Variants in MTSS1 observed in about 807,000 individuals in gnomAD.
MTSS1 encodes protein MTSS 1.
MTSS1 carries 18 observed loss-of-function variants against 79.0 expected under a neutral mutation model. The observed-to-expected ratio is 0.23, with a 90% CI of 0.16 to 0.34. The LOEUF (loss-of-function observed/expected upper bound fraction) is 0.34. Among genes scored for constraint, MTSS1 ranks in the 10% least tolerant of loss-of-function variants. The pLI, the probability that MTSS1 is intolerant of heterozygous loss-of-function variation, is 1.00. For missense variants in MTSS1, 815 were observed against 986.2 expected, an observed-to-expected ratio of 0.83 and a Z score of 2.33; for synonymous variants, 341 against 368.6, an observed-to-expected ratio of 0.93 and a Z score of 0.86.
chr8:124,580,448 T>A (rs982216434), intron 6 of MTSS1: 2 of 1,287,244 alleles, frequency 1.6e-6, no homozygotes, highest in Non-Finnish European at 2.2e-6. Flanking sequence ...TTTGAGCTGG[T>A]AGAAAAACCT....
chr8:124,718,733 G>C (rs115600627), intron 1 of MTSS1, among the ~76,000 whole-genome samples: 2 of 152,080 alleles, frequency 1.3e-5, no homozygotes, highest in Non-Finnish European at 2.9e-5. Flanking sequence ...TCAATCACTC[G>C]GGGTGCAGAG....
Position 124,591,192 on chromosome 8 carries a change from C to T in MTSS1, c.252G>A (p.Met84Ile), listed in dbSNP as rs1831821018. 3.7e-6 allele frequency: 6 copies of T among 1,614,242 alleles called. No homozygotes were observed. The highest frequency in any genetic ancestry group is 5.1e-6 in the Non-Finnish European group (6 of 1,180,050). ...EIGSALTRMCMRHRSIEAKLR... is the reference protein window; with the variant it reads ...EIGSALTRMCIRHRSIEAKLR... ...GCTTGGCTTCAATGCTTCTGTGCCT[C>T]ATGCACATCCTGGTGAGAGCAGATC... is the stretch of plus-strand genomic sequence containing the variant. The change falls in exon 4 of 14, where the codon ATG (methionine) becomes ATA (isoleucine). Residue 84 changes from methionine (M) to isoleucine (I), a missense_variant. Coordinates refer to ENST00000518547, the MANE Select transcript of MTSS1 (RefSeq NM_014751.6).
chr8:124,668,714 G>C (rs1266821103), intron 3 of MTSS1, among the ~76,000 whole-genome samples: 2 of 152,128 alleles, frequency 1.3e-5, no homozygotes, highest in Non-Finnish European at 2.9e-5. Context: ...CAGTGTGTTT[G>C]GTCACCCATC....
At chr8:124,577,916 G>A (rs1167584052) in intron 6 of MTSS1, among the ~76,000 whole-genome samples, 1 of 152,190 alleles carries the variant, frequency 6.6e-6, no homozygotes, top group African/African-American at 2.4e-5. Flanking sequence ...AGGTCTCAGG[G>A]TCATTCTGAG....
Position 124,636,137 on chromosome 8 carries a change from CCTT to C in MTSS1, c.209-44905_209-44903del, listed in dbSNP as rs550943388. On this transcript the variant is annotated intron_variant, in intron 3 of 13. Coordinates refer to ENST00000518547, the MANE Select transcript of MTSS1 (RefSeq NM_014751.6). ...CTGGAACCTCAGCTACTAACTTTCT[CCTT>C]CTTCTTTGAGATGGAGTCTCCCTCT... Among the ~76,000 whole-genome samples, 25 of 152,196 alleles carry C rather than the reference CCTT, an allele frequency of 1.6e-4. 1 individual carries two copies. The South Asian group carries it at 2.3e-3, about 14-fold the overall frequency.
intron 3 of MTSS1, among the ~76,000 whole-genome samples, chr8:124,623,874 C>A (rs142007701): frequency 1.3e-5 from 2 of 152,352 alleles, no homozygotes; most frequent in African/African-American, 4.8e-5. Context: ...AAACTCCTGA[C>A]CTCCGGTGAT....
chr8:124,553,457 C>T lies in MTSS1; in HGVS notation c.1803G>A (p.Arg601=). 1 of 1,608,938 alleles carries T rather than the reference C, an allele frequency of 6.2e-7. No individual in the cohort carries two copies. Among genetic ancestry groups the T allele is most frequent in the African/African-American group, 1.3e-5 (1 of 74,908 alleles). ...RTPSTKPSVR[R]GTIGAGPIPI... is the part of the protein sequence containing the mutation. ...GGATGGGACCAGCTCCAATGGTTCC[C>T]CGGCGGACAGAAGGCTTGGTGGAAG... The change falls in exon 14 of 14, where the codon CGG becomes CGA. Residue 601 remains arginine, a synonymous_variant. Coordinates refer to ENST00000518547, the MANE Select transcript of MTSS1 (RefSeq NM_014751.6). This position sits in a 1 kb window ranked among gnomAD's most constrained non-coding sequence, Gnocchi z 6.0.
intron 5 of MTSS1, among the ~76,000 whole-genome samples, chr8:124,586,190 G>T (rs891820162): frequency 2.6e-5 from 4 of 152,148 alleles, no homozygotes; most frequent in African/African-American, 9.7e-5. Context: ...GCCAGCTGCT[G>T]TACATTTCAC....
At position 124,695,335 on chromosome 8, in the gene MTSS1, TA is replaced by T. The variant is rs33998723; in HGVS notation, c.208+4190del. 3.4e-3 allele frequency among the ~76,000 whole-genome samples: 485 copies of T among 144,572 alleles called. 3 individuals carry two copies. The highest frequency in any genetic ancestry group is 7.4e-3 in the Middle Eastern group (2 of 272). The allele number at this position is 144,572 out of a possible 152,430, so 94.8% of individuals were successfully genotyped here. ...CTCCTACCACTTCCATCAAGAGGGA[TA>T]AAAAAAAAAAAATACATGTAAAGGC... On this transcript the variant is annotated intron_variant, in intron 3 of 13. Coordinates refer to ENST00000518547, the MANE Select transcript of MTSS1 (RefSeq NM_014751.6).
rs1180255864 is a variant in MTSS1, at chr8:124,704,835, G to C, written c.73-644C>G. The stretch of plus-strand genomic sequence containing the variant: ...TAGTTCTAACCTCTGGGAGCCCTCA[G>C]TTAAGATCAATAATCCTGCTTCCAC... On this transcript the variant is annotated intron_variant, in intron 1 of 13. Coordinates refer to ENST00000518547, the MANE Select transcript of MTSS1 (RefSeq NM_014751.6). Among the ~76,000 whole-genome samples the C allele has an allele frequency of 3.3e-5, 5 of 152,122 alleles. No homozygotes were observed. In the East Asian group the frequency reaches 9.6e-4, roughly 29 times the overall value.
intron 1 of MTSS1, among the ~76,000 whole-genome samples, chr8:124,715,651 C>G (rs1481668695): frequency 2.6e-5 from 4 of 152,134 alleles, no homozygotes; most frequent in African/African-American, 9.7e-5. Flanking sequence ...CCACCAGTGT[C>G]ACAGTGATAA....
intron 3 of MTSS1, among the ~76,000 whole-genome samples, chr8:124,636,712 C>T (rs1398421917): frequency 1.3e-5 from 2 of 152,188 alleles, no homozygotes; most frequent in Non-Finnish European, 2.9e-5. Context: ...TCAAAGTCTT[C>T]CTTGACAATC....
chr8:124,602,938 CG>C (rs796578637), intron 3 of MTSS1, among the ~76,000 whole-genome samples: 8 of 152,336 alleles, frequency 5.3e-5, no homozygotes, highest in African/African-American at 1.9e-4. Flanking sequence ...TTGGAAATGA[CG>C]GATCGTCATG....
intron 1 of MTSS1, among the ~76,000 whole-genome samples, chr8:124,718,137 C>A (rs894420574): frequency 7.1e-6 from 1 of 140,572 alleles, no homozygotes; most frequent in East Asian, 1.9e-4. Context: ...TCTCATCAAG[C>A]GCTTGTGGGT....
At position 124,696,634 on chromosome 8, in the gene MTSS1, T is replaced by G. The variant is rs897745518; in HGVS notation, c.208+2892A>C. On this transcript the variant is annotated intron_variant, in intron 3 of 13. Transcript: ENST00000518547. ...TTGGAAGGCCGAGGCAGGTAGATCA[T>G]GAGGTCAGGAGTTCGAGACCAGTCT... is the stretch of plus-strand genomic sequence containing the variant. Among the ~76,000 whole-genome samples the G allele has an allele frequency of 2.6e-5, 4 of 152,130 alleles. No homozygotes were observed. In the East Asian group the frequency reaches 7.7e-4, roughly 29 times the overall value.
intron 9 of MTSS1, 112 bp from the exon 10 acceptor site, chr8:124,563,104 C>G (rs1825693315): frequency 1.2e-6 from 1 of 867,374 alleles, no homozygotes; most frequent in Non-Finnish European, 1.8e-6. Context: ...GAGAGAAGCA[C>G]AACATAATGC....
intron 3 of MTSS1, among the ~76,000 whole-genome samples, chr8:124,643,727 G>C (rs1006894427): frequency 7.5e-5 from 10 of 133,518 alleles, no homozygotes; most frequent in African/African-American, 2.5e-4. Flanking sequence ...AAAAAACCAC[G>C]AAAATCTGTA....
chr8:124,585,817 CAAAAACAA>C (rs765696601), intron 5 of MTSS1, among the ~76,000 whole-genome samples: 49 of 151,298 alleles, frequency 3.2e-4, no homozygotes, highest in South Asian at 8.3e-4. Flanking sequence ...CAGTGTTTTG[CAAAAACAA>C]AAAAACAAAC....
intron 3 of MTSS1, among the ~76,000 whole-genome samples, chr8:124,668,304 C>CA (rs1408938872): frequency 6.6e-6 from 1 of 152,164 alleles, no homozygotes; most frequent in Non-Finnish European, 1.5e-5. Flanking sequence ...CTAACCCTAC[C>CA]AATGTGTGTT....
Sources: gnomAD v4.1 joint callset for allele counts (sites outside exome capture counted in the v4.1 genomes callset) on GRCh38, gnomAD v4.1.1 for gene constraint, Gnocchi (gnomAD v3.1) non-coding constraint, MANE v1.5 for transcripts, NCBI Gene and HGNC (gene_info 2026-07-23, HGNC 2026-07-21) for gene names.